Variants in SPG11 observed in about 807,000 individuals in gnomAD.
SPG11 encodes the protein spatacsin.
Under a neutral mutation model 274.0 loss-of-function variants are expected in SPG11, and 222 were observed. The ratio of observed to expected loss-of-function variants is 0.81; its 90% confidence interval spans 0.73 to 0.91. The LOEUF (loss-of-function observed/expected upper bound fraction) is 0.91, where lower values mean the gene tolerates loss of function less well. SPG11 is among the 40% of genes least tolerant of loss of function. The probability of loss-of-function intolerance (pLI) is 0.00; values close to 1 mark genes in which losing one functional copy is unlikely to be tolerated. For synonymous variants in SPG11, 1,144 were observed against 1,039.7 expected, an observed-to-expected ratio of 1.10 and a Z score of -1.93; for missense variants, 3,114 against 2,872.7, an observed-to-expected ratio of 1.08 and a Z score of -1.92.
chr15:44,632,165 T>C (rs1489759218), intron 8 of SPG11, among the ~76,000 whole-genome samples: 1 of 152,064 alleles, frequency 6.6e-6, no homozygotes, highest in Non-Finnish European at 1.5e-5. Context: ...TCACGCTGAT[T>C]GAAGATTGAA....
At chr15:44,565,356 G>A (rs1237152664) in intron 38 of SPG11, among the ~76,000 whole-genome samples, 1 of 152,218 alleles carries the variant, frequency 6.6e-6, no homozygotes, top group Non-Finnish European at 1.5e-5. Context: ...GGAGGGGATG[G>A]TTTCGGGATG....
At chr15:44,621,313 G>A (rs1021725563) in intron 14 of SPG11, 1 of 156,248 alleles carries the variant, frequency 6.4e-6, no homozygotes, top group Non-Finnish European at 1.4e-5. Flanking sequence ...AGATGGGGAA[G>A]GATGAAAAGA....
At position 44,583,946 on chromosome 15, in the gene SPG11, A is replaced by T. The variant is rs1171498151; in HGVS notation, c.5734T>A (p.Leu1912Met). 1 of 1,614,224 alleles carries T rather than the reference A, an allele frequency of 6.2e-7. No homozygotes were observed. Among genetic ancestry groups the T allele is most frequent in the Admixed American group, 1.7e-5 (1 of 60,020 alleles). ...HFYNPDVALV[L>M]HCRALASGEA... ...CCTGAGGCCAGTGCTCTGCAGTGCA[A>T]TACCAAGGCGACATCTGGATTATAA... The change falls in exon 30 of 40, where the codon TTG (leucine) becomes ATG (methionine). Residue 1912 changes from leucine to methionine, a missense_variant. By Grantham distance (15) the Leu-to-Met change is conservative. Coordinates refer to ENST00000261866, the MANE Select transcript of SPG11 (RefSeq NM_025137.4).
rs1453401298 is a variant in SPG11 at position 44,651,623 on chromosome 15, C to T, written c.1324G>A (p.Glu442Lys). 1.9e-6 allele frequency: 3 copies of T among 1,614,090 alleles called. No homozygotes were observed. Among genetic ancestry groups the T allele is most frequent in the East Asian group, 2.2e-5 (1 of 44,900 alleles). The change falls in exon 6 of 40, where the codon GAA (glutamate) becomes AAA (lysine). Residue 442 changes from glutamate to lysine, a missense_variant. Coordinates refer to ENST00000261866, the MANE Select transcript of SPG11 (RefSeq NM_025137.4). ...VTGFTALFTW[E>K]VERMGYTITL... Reference sequence around the variant, plus strand: ...ATGGTATAGCCCATCCTTTCCACTTCCCAAGTAAACAGTGCAGTGAATCCT... The same window carrying T: ...ATGGTATAGCCCATCCTTTCCACTTTCCAAGTAAACAGTGCAGTGAATCCT...
At chr15:44,622,061 G>A (rs2083768395) in intron 13 of SPG11, 127 bp from the exon 14 acceptor site, 5 of 1,160,402 alleles carry the variant, frequency 4.3e-6, no homozygotes, top group South Asian at 1.4e-5. Flanking sequence ...ATATTAAAAT[G>A]ACAGAAAACT....
At position 44,584,418 on chromosome 15, in the gene SPG11, G is replaced by C; in HGVS notation, c.5262C>G (p.Thr1754=). 6.2e-7 allele frequency: 1 copy of C among 1,614,128 alleles called. No homozygotes were observed. Among genetic ancestry groups the C allele is most frequent in the East Asian group, 2.2e-5 (1 of 44,880 alleles). Residue 1754 remains threonine, a synonymous_variant, in exon 30 of 40, where the codon ACC becomes ACG. Coordinates refer to ENST00000261866, the MANE Select transcript of SPG11 (RefSeq NM_025137.4). ...GGTGCTCACATGCCACATGGGCCTG[G>C]GTTGAGAAAAAGGAAGAAGCTGCTT... is the stretch of plus-strand genomic sequence containing the variant. ...SSKAASSFFS[T]QAHVACEHPT... is the part of the protein sequence containing the mutation.
chr15:44,577,577 A>AT (rs976300646), intron 30 of SPG11, among the ~76,000 whole-genome samples: 82 of 152,004 alleles, frequency 5.4e-4, no homozygotes, highest in Admixed American at 2.0e-3. Flanking sequence ...AACTCAGACC[A>AT]TGCTATTCCC....
Position 44,575,112 on chromosome 15 carries a change from C to T in SPG11, c.5867-71G>A, listed in dbSNP as rs1031498604. ...GGCCTCTCCCTAGCTCTCTATGGCT[C>T]TACCTCTCTGCTTGAAGCTCCCTGC... On this transcript the variant is annotated intron_variant, in intron 30 of 39. Coordinates refer to ENST00000261866, the MANE Select transcript of SPG11 (RefSeq NM_025137.4). 3.8e-6 allele frequency: 6 copies of T among 1,589,472 alleles called. No individual in the cohort carries two copies. The African/African-American group carries it at 8.1e-5, about 21-fold the overall frequency.
At chr15:44,579,163 A>T (rs1312753588) in intron 30 of SPG11, among the ~76,000 whole-genome samples, 1 of 151,622 alleles carries the variant, frequency 6.6e-6, no homozygotes, top group East Asian at 1.9e-4. Context: ...ATCTCGAAAA[A>T]CAAAAACAAG....
At chr15:44,616,009 CAA>C (rs1412873121) in intron 15 of SPG11, among the ~76,000 whole-genome samples, 2 of 152,060 alleles carry the variant, frequency 1.3e-5, no homozygotes, top group African/African-American at 4.8e-5. Flanking sequence ...TTACTTTTTA[CAA>C]AGTTACTGTT....
intron 11 of SPG11, among the ~76,000 whole-genome samples, chr15:44,625,637 C>T (rs2141036186): frequency 6.6e-6 from 1 of 152,250 alleles, no homozygotes. Flanking sequence ...AATTAAACCT[C>T]TTTTCTTTCT....
At position 44,615,461 on chromosome 15, in the gene SPG11, G is replaced by C; in HGVS notation, c.2940C>G (p.Tyr980Ter). 6.2e-7 allele frequency: 1 copy of C among 1,614,114 alleles called. No individual in the cohort carries two copies. The highest frequency in any genetic ancestry group is 8.5e-7 in the Non-Finnish European group (1 of 1,179,992). The change falls in exon 16 of 40, where the codon TAC becomes TAG. Residue 980 changes from tyrosine to a stop codon, truncating the protein, a stop_gained. Coordinates refer to ENST00000261866, the MANE Select transcript of SPG11 (RefSeq NM_025137.4). LOFTEE classifies it high-confidence loss of function. ...GGAAATCCCAACCTTCTTTGGTCTTGTAGTTTTGAACAGGGAGGGTATCCT... is the reference window on the plus strand; with the variant it reads ...GGAAATCCCAACCTTCTTTGGTCTTCTAGTTTTGAACAGGGAGGGTATCCT... ...VIQDTLPVQN[Y>*]KTKEGWDFHS...
chr15:44,660,354 T>C (rs2085067899), intron 2 of SPG11, 78 bp downstream of exon 2: 4 of 1,371,018 alleles, frequency 2.9e-6, no homozygotes, highest in Admixed American at 1.7e-5. Context: ...TTCACCTCTA[T>C]GACTTTTCCT....
intron 20 of SPG11, among the ~76,000 whole-genome samples, chr15:44,601,247 T>C (rs984756767): frequency 6.6e-5 from 10 of 152,204 alleles, no homozygotes; most frequent in African/African-American, 2.2e-4. Context: ...ATTTAAAGTA[T>C]ACAACATAAT....
chr15:44,594,172 A>T (rs1014088929), intron 26 of SPG11, among the ~76,000 whole-genome samples: 3 of 151,304 alleles, frequency 2.0e-5, no homozygotes, highest in Non-Finnish European at 4.4e-5. Context: ...ACGCCTGTAA[A>T]TCCCAGCGCT....
intron 21 of SPG11, among the ~76,000 whole-genome samples, chr15:44,599,788 G>A (rs1235334354): frequency 6.6e-6 from 1 of 152,054 alleles, no homozygotes; most frequent in Non-Finnish European, 1.5e-5. Flanking sequence ...TCTCAATTCT[G>A]TGCCTTATAA....
Position 44,610,874 on chromosome 15 carries a change from G to A in SPG11, c.3257C>T (p.Ala1086Val). 6.2e-7 allele frequency: 1 copy of A among 1,613,990 alleles called. No homozygotes were observed. Among genetic ancestry groups the A allele is most frequent in the Non-Finnish European group, 8.5e-7 (1 of 1,179,954 alleles). The change falls in exon 18 of 40, where the codon GCT becomes GTT. Residue 1086 changes from alanine (A) to valine (V), a missense_variant. Ala to Val is a moderately conservative substitution (Grantham distance 64). Coordinates refer to ENST00000261866, the MANE Select transcript of SPG11 (RefSeq NM_025137.4). ...LLEGHTLLAL[A>V]TTMYSPGGVS... ...ACCCCCAGGAGAATACATTGTAGTAGCAAGGGCCAGGAGGGTATGTCCTTC... is the reference window on the plus strand; with the variant it reads ...ACCCCCAGGAGAATACATTGTAGTAACAAGGGCCAGGAGGGTATGTCCTTC...
intron 32 of SPG11, 112 bp from the exon 33 acceptor site, chr15:44,572,932 C>T (rs2082453008): frequency 5.0e-6 from 5 of 996,962 alleles, no homozygotes; most frequent in Non-Finnish European, 7.8e-6. Context: ...TCTCCGCTTG[C>T]TGAGCTTGAA....
intron 35 of SPG11, among the ~76,000 whole-genome samples, chr15:44,568,646 C>T (rs1428444316): frequency 5.9e-5 from 9 of 152,146 alleles, no homozygotes; most frequent in Admixed American, 5.9e-4. Flanking sequence ...TAAATGGCTC[C>T]ACAGCTTTTT....
Sources: allele counts gnomAD v4.1 joint callset (sites outside exome capture counted in the v4.1 genomes callset), GRCh38; gene constraint gnomAD v4.1.1; transcripts MANE v1.5; gene names NCBI Gene and HGNC (gene_info 2026-07-23, HGNC 2026-07-21).